TTLL6: variants seen among roughly 807,000 people sequenced by gnomAD.
TTLL6 encodes the protein tubulin polyglutamylase TTLL6.
TTLL6 carries 75 observed loss-of-function variants against 96.4 expected under a neutral mutation model. That is an observed-to-expected ratio of 0.78 (90% CI 0.65 to 0.94). The LOEUF (loss-of-function observed/expected upper bound fraction) is 0.94, where lower values mean the gene tolerates loss of function less well. Among genes scored for constraint, TTLL6 ranks in the 40% least tolerant of loss-of-function variants. The probability of loss-of-function intolerance (pLI) is 0.00; values close to 1 mark genes in which losing one functional copy is unlikely to be tolerated. For synonymous variants in TTLL6, 411 were observed against 419.4 expected (o/e 0.98, Z 0.24); for missense variants, 1,030 against 1,093.0 (o/e 0.94, Z 0.81).
At chr17:48,802,078 A>AAAAGAAAGAAAG (rs139321404) in intron 3 of TTLL6, among the ~76,000 whole-genome samples, 47 of 121,454 alleles carry the variant, frequency 3.9e-4, no homozygotes, top group East Asian at 2.4e-3. Context: ...GAAAGAAAGA[A>AAAAGAAAGAAAG]AAAGAAAGAA....
chr17:48,782,402 A>G (rs684120), intron 13 of TTLL6, among the ~76,000 whole-genome samples: 134,646 of 152,058 alleles, frequency 0.89, 59,941 homozygotes, highest in East Asian at 0.93. Context: ...TGATCCTCCC[A>G]CCTTGGCCTC....
At chr17:48,778,732 C>A (rs887123320) in intron 13 of TTLL6, among the ~76,000 whole-genome samples, 2 of 151,750 alleles carry the variant, frequency 1.3e-5, no homozygotes, top group Non-Finnish European at 2.9e-5. Flanking sequence ...GAGTTCGAGA[C>A]CAGCCTGACC....
chr17:48,797,025 G>C, intron 7 of TTLL6, 36 bp downstream of exon 7: 1 of 1,531,192 alleles, frequency 6.5e-7, no homozygotes, highest in Non-Finnish European at 8.8e-7. Context: ...ATCACGCTAT[G>C]GGGGTAGGGT....
intron 1 of TTLL6, among the ~76,000 whole-genome samples, chr17:48,809,551 C>T (rs2039550571): frequency 6.6e-6 from 1 of 152,104 alleles, no homozygotes; most frequent in South Asian, 2.1e-4. Context: ...GTCATGGCTC[C>T]TTCTATGTGT....
chr17:48,763,416 C>A (rs1214684671), intron 15 of TTLL6, among the ~76,000 whole-genome samples: 2 of 152,190 alleles, frequency 1.3e-5, no homozygotes, highest in African/African-American at 2.4e-5. Flanking sequence ...TCCTCATCAG[C>A]AATAGCATCA....
At position 48,787,641 on chromosome 17, in the gene TTLL6, C is replaced by A. The variant is rs1567724270; in HGVS notation, c.1589+170G>T. On this transcript the variant is annotated intron_variant, in intron 11 of 15. Transcript: ENST00000393382. ...GAACTCCTGGGCTCATGCCATCCACCTGCCTTGGCCTCCTAAAGTGCTAGG... is the reference window on the plus strand; with the variant it reads ...GAACTCCTGGGCTCATGCCATCCACATGCCTTGGCCTCCTAAAGTGCTAGG... The A allele has an allele frequency of 1.4e-5, 8 of 579,698 alleles. No individual in the cohort carries two copies. The East Asian group carries it at 2.0e-4, about 15-fold the overall frequency. 35.9% of individuals were successfully genotyped at this position (579,698 alleles called of 1,614,324 possible).
Position 48,787,835 on chromosome 17 carries a change from G to A in TTLL6, c.1565C>T (p.Ser522Phe), listed in dbSNP as rs765429403. The change falls in exon 11 of 16, where the codon TCC becomes TTC. Residue 522 changes from serine to phenylalanine, a missense_variant. Ser to Phe is a radical substitution (Grantham distance 155, BLOSUM62 -2). Transcript: ENST00000393382. ...NNSLFQNTVA[S>F]RAREEYARQL... ...CCGGGCATACTCCTCCCGAGCCCTGGAAGCAACAGTATTCTGGAAGAGGGA... is the reference window on the plus strand; with the variant it reads ...CCGGGCATACTCCTCCCGAGCCCTGAAAGCAACAGTATTCTGGAAGAGGGA... The A allele has an allele frequency of 1.9e-6, 3 of 1,614,130 alleles. No homozygotes were observed. In the South Asian group the frequency reaches 3.3e-5, roughly 18 times the overall value.
chr17:48,777,658 G>A (rs2038902485), intron 13 of TTLL6, among the ~76,000 whole-genome samples: 1 of 151,978 alleles, frequency 6.6e-6, no homozygotes, highest in Admixed American at 6.5e-5. Context: ...TTGAACCTGG[G>A]AGGCAGAAGT....
intron 10 of TTLL6, 81 bp downstream of exon 10, chr17:48,789,850 C>A (rs1597982384): frequency 6.8e-7 from 1 of 1,469,236 alleles, no homozygotes; most frequent in Non-Finnish European, 9.2e-7. Flanking sequence ...AGCCACTGCA[C>A]CCGGCCCAGG....
Position 48,808,374 on chromosome 17 carries a change from A to ATGTGTGTGTGTGTGTG in TTLL6, c.104-3399_104-3384dup, listed in dbSNP as rs149038470. Among the ~76,000 whole-genome samples, 224 of 148,700 alleles carry ATGTGTGTGTGTGTGTG rather than the reference A, an allele frequency of 1.5e-3. 3 individuals carry two copies. Among genetic ancestry groups the ATGTGTGTGTGTGTGTG allele is most frequent in the African/African-American group, 5.4e-3 (218 of 40,562 alleles). On this transcript the variant is annotated intron_variant, in intron 1 of 15. Transcript: ENST00000393382. ...GCAAATTACATCGCTTCTCATATGT[A>ATGTGTGTGTGTGTGTG]TGTGTGTGTGTGTGTGTGTGTGTGC...
intron 13 of TTLL6, among the ~76,000 whole-genome samples, chr17:48,776,179 AGTCTAGGCTG>A (rs1397951124): frequency 6.6e-6 from 1 of 152,202 alleles, no homozygotes; most frequent in African/African-American, 2.4e-5. Context: ...AAGAAATTTA[AGTCTAGGCTG>A]GGCGCAGTAG....
intron 10 of TTLL6, 111 bp from the exon 11 acceptor site, chr17:48,788,110 A>G (rs767544717): frequency 1.5e-5 from 14 of 937,088 alleles, no homozygotes; most frequent in Admixed American, 1.2e-4. Flanking sequence ...CTTGCACATA[A>G]TGGCGGTCAA....
chr17:48,803,490 A>G (rs535309474), intron 3 of TTLL6, among the ~76,000 whole-genome samples: 1,581 of 151,702 alleles, frequency 0.01, 41 homozygotes, highest in African/African-American at 0.036. Flanking sequence ...TGTCAAAAAA[A>G]AAAACAAAAA....
intron 6 of TTLL6, among the ~76,000 whole-genome samples, chr17:48,798,711 C>A (rs2039359987): frequency 6.6e-6 from 1 of 151,698 alleles, no homozygotes; most frequent in South Asian, 2.1e-4. Context: ...TGCGCTCCAG[C>A]CAGAGTGACA....
At chr17:48,763,800 A>AAAAAC (rs1291083452) in intron 15 of TTLL6, among the ~76,000 whole-genome samples, 2 of 152,016 alleles carry the variant, frequency 1.3e-5, no homozygotes, top group East Asian at 1.9e-4. Flanking sequence ...CTCTGTCTCT[A>AAAAAC]AAAACAAAAC....
chr17:48,796,059 A>T lies in TTLL6; in HGVS notation c.998+2T>A. The T allele has an allele frequency of 6.4e-7, 1 of 1,550,660 alleles. No individual in the cohort carries two copies. Among genetic ancestry groups the T allele is most frequent in the South Asian group, 1.2e-5 (1 of 83,964 alleles). ...GAAAGAAAAATGAAGCCTCTTCCTT[A>T]CCTCTTACTGCCAGAGTGTGCATCT... On this transcript the variant is annotated splice_donor_variant, in intron 8 of 15. Transcript: ENST00000393382. LOFTEE classifies it high-confidence loss of function.
intron 15 of TTLL6, among the ~76,000 whole-genome samples, chr17:48,767,094 G>C (rs566230515): frequency 6.6e-6 from 1 of 152,236 alleles, no homozygotes; most frequent in East Asian, 1.9e-4. Context: ...TAGTAGAGAT[G>C]GGGTTTCACC....
chr17:48,780,761 C>G (rs986529857), intron 13 of TTLL6, among the ~76,000 whole-genome samples: 1 of 152,164 alleles, frequency 6.6e-6, no homozygotes, highest in East Asian at 1.9e-4. Flanking sequence ...TTGTGACTAG[C>G]TTCTTTGACT....
chr17:48,784,122 T>C (rs2039040577), intron 13 of TTLL6, among the ~76,000 whole-genome samples: 1 of 152,222 alleles, frequency 6.6e-6, no homozygotes, highest in Admixed American at 6.5e-5. Flanking sequence ...AAGAAGGCCA[T>C]GTAAAGATAC....
Sources: gnomAD v4.1 joint callset for allele counts (sites outside exome capture counted in the v4.1 genomes callset) on GRCh38, gnomAD v4.1.1 for gene constraint, MANE v1.5 for transcripts, NCBI Gene and HGNC (gene_info 2026-07-23, HGNC 2026-07-21) for gene names.